DCP1B: variants seen among roughly 807,000 people sequenced by gnomAD.
The protein encoded by DCP1B is mRNA-decapping enzyme 1B.
In DCP1B, 47 loss-of-function variants were observed where a neutral mutation model predicts 60.5. The ratio of observed to expected loss-of-function variants is 0.78; its 90% confidence interval spans 0.61 to 0.99. The LOEUF (loss-of-function observed/expected upper bound fraction) is 0.99, where lower values mean the gene tolerates loss of function less well. DCP1B is among the 50% of genes least tolerant of loss of function. The pLI, the probability that DCP1B is intolerant of heterozygous loss-of-function variation, is 0.00. For synonymous variants in DCP1B, 267 were observed against 280.3 expected (o/e 0.95, Z 0.47); for missense variants, 725 against 756.8 (o/e 0.96, Z 0.49).
At position 1,952,828 on chromosome 12, in the gene DCP1B, G is replaced by C. The variant is rs1739972384; in HGVS notation, c.1112C>G (p.Pro371Arg). 1 of 1,614,070 alleles carries C rather than the reference G, an allele frequency of 6.2e-7. No homozygotes were observed. The highest frequency in any genetic ancestry group is 1.3e-5 in the African/African-American group (1 of 74,920). ...TGAGCTGGCAGGTGCTGGTGTACTAGGGTCACACTTGTTTGCTGCCCCTGG... is the reference window on the plus strand; with the variant it reads ...TGAGCTGGCAGGTGCTGGTGTACTACGGTCACACTTGTTTGCTGCCCCTGG... The part of the protein sequence containing the change: ...STPGAANKCD[P>R]STPAPASSAA... The change falls in exon 7 of 9, where the codon CCT (proline) becomes CGT (arginine). Residue 371 changes from proline (P) to arginine (R), a missense_variant. Pro to Arg is a moderately radical substitution (Grantham distance 103). Transcript: ENST00000280665.
At chr12:1,969,438 G>A (rs778015861) in intron 3 of DCP1B, among the ~76,000 whole-genome samples, 2 of 151,950 alleles carry the variant, frequency 1.3e-5, no homozygotes, top group African/African-American at 4.8e-5. Flanking sequence ...CTACCTGCAC[G>A]TGAAGTGGGG....
intron 5 of DCP1B, among the ~76,000 whole-genome samples, chr12:1,963,291 A>C (rs1048131951): frequency 8.5e-5 from 13 of 152,212 alleles, no homozygotes; most frequent in Non-Finnish European, 2.9e-5. Context: ...CAATTATTTT[A>C]AGCAGAGTGT....
intron 6 of DCP1B, 54 bp downstream of exon 6, chr12:1,955,375 AAAG>A (rs1443984532): frequency 6.4e-7 from 1 of 1,559,002 alleles, no homozygotes; most frequent in Non-Finnish European, 8.7e-7. Flanking sequence ...ATTCTGGGTC[AAAG>A]TTCTTTAAGA....
Position 1,967,876 on chromosome 12 carries a change from T to C in DCP1B, c.354A>G (p.Glu118=), listed in dbSNP as rs1369349320. 1.2e-5 allele frequency: 20 copies of C among 1,613,026 alleles called. No homozygotes were observed. In the Admixed American group the frequency reaches 3.3e-4, roughly 27 times the overall value. ...TAAGCTCTGCAATTCTTTGGCATTC[T>C]TCCTTATCATAAAACCAAATTCCAT... is the stretch of plus-strand genomic sequence containing the variant. ...SIYGIWFYDK[E]ECQRIAELMK... The change falls in exon 4 of 9, where the codon GAA becomes GAG. Residue 118 remains glutamate (E), a synonymous_variant. Transcript: ENST00000280665.
intron 3 of DCP1B, among the ~76,000 whole-genome samples, chr12:1,981,142 T>C (rs1159722396): frequency 6.6e-6 from 1 of 152,152 alleles, no homozygotes; most frequent in Non-Finnish European, 1.5e-5. Flanking sequence ...TAGGAACTTG[T>C]AGGTAAATGT....
intron 2 of DCP1B, among the ~76,000 whole-genome samples, chr12:1,995,559 G>T (rs2040593186): frequency 1.3e-5 from 2 of 152,204 alleles, no homozygotes. Context: ...AAGTGTGCTG[G>T]CCTTGCCTCC....
At position 1,953,037 on chromosome 12, in the gene DCP1B, G is replaced by A. The variant is rs755024286; in HGVS notation, c.903C>T (p.Ser301=). The A allele has an allele frequency of 4.7e-5, 76 of 1,614,014 alleles. No homozygotes were observed. Among genetic ancestry groups the A allele is most frequent in the South Asian group, 1.2e-4 (11 of 91,078 alleles). Residue 301 remains serine, a synonymous_variant, in exon 7 of 9, where the codon AGC becomes AGT. Coordinates refer to ENST00000280665, the MANE Select transcript of DCP1B (RefSeq NM_152640.5). ...CPAIQKLMVR[S]ADLHPLSELP... ...GCTCTGACAATGGGTGGAGGTCTGCGCTCCTGACCATGAGTTTCTGAATGG... is the reference window on the plus strand; with the variant it reads ...GCTCTGACAATGGGTGGAGGTCTGCACTCCTGACCATGAGTTTCTGAATGG...
At chr12:2,001,034 T>A (rs1434704258) in intron 1 of DCP1B, among the ~76,000 whole-genome samples, 10 of 104,070 alleles carry the variant, frequency 9.6e-5, no homozygotes, top group Non-Finnish European at 1.8e-4. Flanking sequence ...CGAGACTTCG[T>A]CTCAAAAAAA....
intron 3 of DCP1B, among the ~76,000 whole-genome samples, chr12:1,970,609 A>G (rs1355324673): frequency 6.6e-6 from 1 of 152,168 alleles, no homozygotes; most frequent in African/African-American, 2.4e-5. Flanking sequence ...CAACCCCTGG[A>G]CAAACCTATC....
intron 6 of DCP1B, 133 bp from the exon 7 acceptor site, chr12:1,953,421 T>C (rs2030765980): frequency 8.8e-7 from 1 of 1,130,658 alleles, no homozygotes. Flanking sequence ...AAAATAATAA[T>C]AATAAACTTG....
At chr12:2,003,538 C>T (rs2042668629) in intron 1 of DCP1B, among the ~76,000 whole-genome samples, 1 of 152,174 alleles carries the variant, frequency 6.6e-6, no homozygotes, top group Non-Finnish European at 1.5e-5. Flanking sequence ...CAACAGGATT[C>T]CAGTGTTCTA....
chr12:1,999,341 T>TAAAGA (rs1461604768), intron 1 of DCP1B, among the ~76,000 whole-genome samples: 1 of 152,212 alleles, frequency 6.6e-6, no homozygotes, highest in Non-Finnish European at 1.5e-5. Flanking sequence ...CAAGAGTAAA[T>TAAAGA]GGCTATAAAA....
intron 5 of DCP1B, among the ~76,000 whole-genome samples, chr12:1,964,856 G>T (rs11613469): frequency 0.17 from 25,859 of 152,018 alleles, 2,254 homozygotes; most frequent in East Asian, 0.22. Context: ...TAAAATCAGG[G>T]AGAGCTCGCT....
intron 3 of DCP1B, among the ~76,000 whole-genome samples, chr12:1,990,792 G>A (rs187658328): frequency 6.6e-6 from 1 of 152,274 alleles, no homozygotes; most frequent in East Asian, 1.9e-4. Flanking sequence ...CAAAGAACAT[G>A]TAAACCATAC....
intron 3 of DCP1B, among the ~76,000 whole-genome samples, chr12:1,979,945 C>A (rs961698938): frequency 6.6e-6 from 1 of 151,894 alleles, no homozygotes; most frequent in Non-Finnish European, 1.5e-5. Flanking sequence ...CTTCAGAATT[C>A]CCAGAAAATT....
At chr12:1,953,975 G>A (rs1378866319) in intron 6 of DCP1B, among the ~76,000 whole-genome samples, 1 of 152,168 alleles carries the variant, frequency 6.6e-6, no homozygotes, top group African/African-American at 2.4e-5. Context: ...TTGAGCTAAG[G>A]AGTTCAAGAC....
downstream of DCP1B, among the ~76,000 whole-genome samples, chr12:1,942,048 T>A (rs1378750204): frequency 6.6e-6 from 1 of 152,030 alleles, no homozygotes; most frequent in Non-Finnish European, 1.5e-5. Flanking sequence ...GAGACCCATC[T>A]CACGTGCAAA....
Position 1,986,761 on chromosome 12 carries a change from T to C in DCP1B, c.319+6503A>G, listed in dbSNP as rs139360718. 5.2e-3 allele frequency among the ~76,000 whole-genome samples: 799 copies of C among 152,264 alleles called. 10 individuals are homozygous for C. Among genetic ancestry groups the C allele is most frequent in the African/African-American group, 0.018 (757 of 41,558 alleles). On this transcript the variant is annotated intron_variant, in intron 3 of 8. Transcript: ENST00000280665. The stretch of plus-strand genomic sequence containing the variant: ...GAATAAAGCCAGGAACTCACCACCA[T>C]AGCAGTTTTTCTTCAAGTTCTGATT...
In DCP1B at chr12:1,971,461, C is replaced by T. The variant is rs1004256779; in HGVS notation, c.320-3551G>A. Among the ~76,000 whole-genome samples the T allele has an allele frequency of 6.6e-6, 1 of 152,184 alleles. No individual in the cohort carries two copies. The highest frequency in any genetic ancestry group is 1.5e-5 in the Non-Finnish European group (1 of 68,030). ...GCAATACTGCCTTTACATAATGAAA[C>T]ACCAATCTTTTACTTTCCTTTTAAC... On this transcript the variant is annotated intron_variant, in intron 3 of 8. Transcript: ENST00000280665. This position sits in a 1 kb window ranked among gnomAD's most constrained non-coding sequence, Gnocchi z 4.2.
Sources: gnomAD v4.1 joint callset for allele counts (sites outside exome capture counted in the v4.1 genomes callset) on GRCh38, gnomAD v4.1.1 for gene constraint, Gnocchi (gnomAD v3.1) non-coding constraint, MANE v1.5 for transcripts, NCBI Gene and HGNC (gene_info 2026-07-23, HGNC 2026-07-21) for gene names.